The following C1orf21 variants were observed in gnomAD, a reference collection of about 807,000 sequenced individuals.
C1orf21 encodes the protein chromosome 1 open reading frame 21.
Under a neutral mutation model 18.7 loss-of-function variants are expected in C1orf21, and 3 were observed. The ratio of observed to expected loss-of-function variants is 0.16; its 90% CI spans 0.07 to 0.42. The LOEUF (loss-of-function observed/expected upper bound fraction) is 0.42, where lower values mean the gene tolerates loss of function less well. Ranked by LOEUF, C1orf21 falls within the 10% of genes least tolerant of loss-of-function variation. The pLI, the probability that C1orf21 is intolerant of heterozygous loss-of-function variation, is 0.99. For synonymous variants in C1orf21, 41 were observed against 46.4 expected, an observed-to-expected ratio of 0.88 and a Z score of 0.47; for missense variants, 104 against 143.6, an observed-to-expected ratio of 0.72 and a Z score of 1.41.
intron 2 of C1orf21, among the ~76,000 whole-genome samples, chr1:184,481,273 T>A (rs1657649926): frequency 6.6e-6 from 1 of 152,194 alleles, no homozygotes. Flanking sequence ...TGATTATGAA[T>A]TGGTGGGTCA....
chr1:184,616,710 A>G (rs200039749), intron 5 of C1orf21, among the ~76,000 whole-genome samples: 8 of 99,964 alleles, frequency 8.0e-5, no homozygotes, highest in East Asian at 4.7e-4. Flanking sequence ...ACACGTGTGT[A>G]TGTGTGTTGT....
At chr1:184,425,405 A>C (rs1438219049) in intron 1 of C1orf21, among the ~76,000 whole-genome samples, 11 of 151,944 alleles carry the variant, frequency 7.2e-5, no homozygotes, top group Non-Finnish European at 1.5e-4. Flanking sequence ...AGCTGAGACT[A>C]CAGGCATGTG....
rs77327510 is a variant in C1orf21, at chr1:184,615,220, A to G, written c.328-4298A>G. ...ATCAACTTACACTTCCAGGAGGATA[A>G]TAATACAGATAACTGAAGAAGACGT... On this transcript the variant is annotated intron_variant, in intron 5 of 5. Transcript: ENST00000235307. 2.6e-3 allele frequency among the ~76,000 whole-genome samples: 400 copies of G among 152,336 alleles called. 3 individuals carry two copies. The highest frequency in any genetic ancestry group is 9.2e-3 in the African/African-American group (382 of 41,574).
rs544413894 is a variant in C1orf21, at chr1:184,417,854, A to C, written c.-125+30486A>C. Among the ~76,000 whole-genome samples, 14 of 152,296 alleles carry C rather than the reference A, an allele frequency of 9.2e-5. No homozygotes were observed. In the South Asian group the frequency reaches 2.7e-3, roughly 29 times the overall value. On this transcript the variant is annotated intron_variant, in intron 1 of 5. Coordinates refer to ENST00000235307, the MANE Select transcript of C1orf21 (RefSeq NM_030806.4). Reference sequence around the variant, plus strand: ...CTGTGGGAGTTTGTATAGAAGACATAATCAATGTGTTGGGATAAGGCCAGG... The same window carrying C: ...CTGTGGGAGTTTGTATAGAAGACATCATCAATGTGTTGGGATAAGGCCAGG...
chr1:184,472,933 A>G (rs1657515573), intron 1 of C1orf21, among the ~76,000 whole-genome samples: 1 of 152,240 alleles, frequency 6.6e-6, no homozygotes. Flanking sequence ...ATTTTTAAAA[A>G]TATTTCAACT....
intron 1 of C1orf21, among the ~76,000 whole-genome samples, chr1:184,469,338 T>A (rs1398139292): frequency 6.6e-6 from 1 of 152,244 alleles, no homozygotes; most frequent in Non-Finnish European, 1.5e-5. Flanking sequence ...GTGTGTTTAT[T>A]GTATTTCCTT....
chr1:184,444,382 G>A (rs550220368), intron 1 of C1orf21, among the ~76,000 whole-genome samples: 2 of 152,120 alleles, frequency 1.3e-5, no homozygotes, highest in African/African-American at 4.8e-5. Flanking sequence ...TGTTCTTGTG[G>A]TAGTGAATAC....
chr1:184,566,616 C>A, intron 3 of C1orf21: 1 of 380,086 alleles, frequency 2.6e-6, no homozygotes. Flanking sequence ...TGCCATAAAA[C>A]CACCAGGTTG....
chr1:184,420,992 G>T (rs1212687152), intron 1 of C1orf21, among the ~76,000 whole-genome samples: 1 of 151,958 alleles, frequency 6.6e-6, no homozygotes, highest in Non-Finnish European at 1.5e-5. Flanking sequence ...CTATGTGACT[G>T]GGCTGAAAGA....
intron 2 of C1orf21, among the ~76,000 whole-genome samples, chr1:184,487,751 C>T (rs969301383): frequency 3.3e-5 from 5 of 152,172 alleles, no homozygotes; most frequent in Admixed American, 1.3e-4. Context: ...GATCCTGGCT[C>T]GGCTACTCAC....
intron 1 of C1orf21, among the ~76,000 whole-genome samples, chr1:184,456,953 G>A (rs1033456589): frequency 2.0e-5 from 3 of 152,120 alleles, no homozygotes; most frequent in African/African-American, 7.2e-5. Flanking sequence ...ATGAATAAAT[G>A]GTTTGAGCAT....
At chr1:184,395,090 T>G (rs1280086472) in intron 1 of C1orf21, among the ~76,000 whole-genome samples, 1 of 152,194 alleles carries the variant, frequency 6.6e-6, no homozygotes, top group Non-Finnish European at 1.5e-5. Context: ...CAAGGAGCCC[T>G]TTTTCTGCTA....
intron 5 of C1orf21, among the ~76,000 whole-genome samples, chr1:184,610,804 C>CG (rs1421280454): frequency 7.3e-5 from 11 of 150,630 alleles, no homozygotes; most frequent in Admixed American, 3.3e-4. Context: ...GCCGAGATCG[C>CG]CCACTGCACT....
intron 5 of C1orf21, among the ~76,000 whole-genome samples, chr1:184,607,392 G>C (rs1659662304): frequency 6.6e-6 from 1 of 151,902 alleles, no homozygotes; most frequent in Admixed American, 6.6e-5. Context: ...ATGATTTGTA[G>C]GCATAATATA....
At chr1:184,424,916 T>A (rs1656609193) in intron 1 of C1orf21, among the ~76,000 whole-genome samples, 1 of 152,236 alleles carries the variant, frequency 6.6e-6, no homozygotes, top group African/African-American at 2.4e-5. Flanking sequence ...GTTGAGTTTC[T>A]GGTTATCAGA....
chr1:184,611,709 T>C (rs1558014463), intron 5 of C1orf21, among the ~76,000 whole-genome samples: 1 of 152,182 alleles, frequency 6.6e-6, no homozygotes, highest in East Asian at 1.9e-4. Flanking sequence ...AGAATGCAGG[T>C]GGGGCAATTG....
intron 3 of C1orf21, among the ~76,000 whole-genome samples, chr1:184,559,529 T>TCCC (rs1275780362): frequency 9.6e-6 from 1 of 104,018 alleles, no homozygotes; most frequent in Non-Finnish European, 1.9e-5. Flanking sequence ...CTTCCTTCCT[T>TCCC]CCTTCCTTCC....
intron 1 of C1orf21, among the ~76,000 whole-genome samples, chr1:184,394,479 C>T (rs1656019411): frequency 6.6e-6 from 1 of 152,180 alleles, no homozygotes. Context: ...AAGGGATGTA[C>T]TCTCAACAAA....
At chr1:184,597,820 C>T (rs772105871) in intron 4 of C1orf21, among the ~76,000 whole-genome samples, 1 of 152,204 alleles carries the variant, frequency 6.6e-6, no homozygotes, top group African/African-American at 2.4e-5. Flanking sequence ...GCTGCTCAGA[C>T]ATGCGTCCTC....
Sources: gnomAD v4.1 joint callset for allele counts (sites outside exome capture counted in the v4.1 genomes callset) on GRCh38, gnomAD v4.1.1 for gene constraint, MANE v1.5 for transcripts, NCBI Gene and HGNC (gene_info 2026-07-23, HGNC 2026-07-21) for gene names.